Variants in CHD8 observed in about 807,000 individuals in gnomAD.
CHD8 encodes the protein chromodomain helicase DNA binding protein 8.
Under a neutral mutation model 279.2 loss-of-function variants are expected in CHD8, and 31 were observed. The ratio of observed to expected loss-of-function variants is 0.11; its 90% confidence interval spans 0.08 to 0.15. The LOEUF is 0.15. CHD8 is among the 10% of genes least tolerant of loss of function. CHD8 has a pLI of 1.00. For missense variants in CHD8, 2,146 were observed against 3,230.5 expected (o/e 0.66, Z 8.14); for synonymous variants, 1,081 against 1,139.6 (o/e 0.95, Z 1.04).
At chr14:21,401,360 T>C in intron 21 of CHD8, 43 bp downstream of exon 21, 1 of 1,156,812 alleles carries the variant, frequency 8.6e-7, no homozygotes, top group Non-Finnish European at 1.2e-6. Flanking sequence ...CCGAAAGTAG[T>C]GTGGTCTTCT....
At chr14:21,438,154 G>A (rs991557044) in intron 1 of CHD8, among the ~76,000 whole-genome samples, 5 of 152,212 alleles carry the variant, frequency 3.3e-5, no homozygotes, top group Middle Eastern at 6.8e-3. Flanking sequence ...TCCGCCTCGC[G>A]TGTTCAAGCG....
rs7152833 is a variant in CHD8, at chr14:21,393,052, C to A, written c.6468+54G>T. 0.92 allele frequency: 1,435,824 copies of A among 1,567,166 alleles called. 660,096 individuals are homozygous for A. The highest frequency in any genetic ancestry group is 0.94 in the Non-Finnish European group (1,076,232 of 1,151,032). ...ATATGTTCCTTTTTCCCCGGATATA[C>A]TGTTACACTGTATTTCTGGACTCTA... is the stretch of plus-strand genomic sequence containing the variant. On this transcript the variant is annotated intron_variant, in intron 33 of 37. Transcript: ENST00000646647.
At chr14:21,395,954 T>G in intron 27 of CHD8, 62 bp from the exon 28 acceptor site, 3 of 1,094,232 alleles carry the variant, frequency 2.7e-6, no homozygotes, top group Non-Finnish European at 4.2e-6. Flanking sequence ...TAAGGGAACC[T>G]AGGATGAAGA....
At chr14:21,433,828 T>G (rs1889661868) in intron 1 of CHD8, among the ~76,000 whole-genome samples, 1 of 152,166 alleles carries the variant, frequency 6.6e-6, no homozygotes, top group Non-Finnish European at 1.5e-5. Context: ...TGCCTCCAAA[T>G]TACTCAAAAT....
chr14:21,413,419 G>A (rs377183665), intron 9 of CHD8, among the ~76,000 whole-genome samples: 1 of 141,374 alleles, frequency 7.1e-6, no homozygotes, highest in East Asian at 2.1e-4. Flanking sequence ...TTTTGAGGTA[G>A]AGCCTTGCTC....
chr14:21,455,800 G>A (rs908657104), intron 1 of CHD8, among the ~76,000 whole-genome samples: 8 of 151,998 alleles, frequency 5.3e-5, no homozygotes, highest in African/African-American at 1.9e-4. Context: ...GTCCCTCGCG[G>A]CTCGGCCCGG....
rs1422490949 is a variant in CHD8 at position 21,400,580 on chromosome 14, C to T, written c.4403G>A (p.Gly1468Glu). ...TTCAGTCATACGTCGCTTGAAGCGTCCATGAGATAAAATATCTCGCCATCG... is the reference window on the plus strand; with the variant it reads ...TTCAGTCATACGTCGCTTGAAGCGTTCATGAGATAAAATATCTCGCCATCG... ...WGRWRDILSH[G>E]RFKRRMTERD... Residue 1468 changes from glycine (G) to glutamate (E), a missense_variant, in exon 23 of 38, where the codon GGA (glycine) becomes GAA (glutamate). Physicochemically the swap from Gly to Glu is moderately conservative, Grantham distance 98. Transcript: ENST00000646647. This position sits in a 1 kb window ranked among gnomAD's most constrained non-coding sequence, Gnocchi z 4.2. 2 of 1,585,920 alleles carry T rather than the reference C, an allele frequency of 1.3e-6. No individual in the cohort carries two copies. Among genetic ancestry groups the T allele is most frequent in the Non-Finnish European group, 1.7e-6 (2 of 1,173,112 alleles).
intron 27 of CHD8, 22 bp from the exon 28 acceptor site, chr14:21,395,914 A>G (rs780568850): frequency 6.6e-7 from 1 of 1,517,134 alleles, no homozygotes; most frequent in Admixed American, 1.7e-5. Flanking sequence ...GAGAGGCACA[A>G]GAAAATGTTA....
chr14:21,386,473 C>T (rs564095632), intron 37 of CHD8: 13 of 410,946 alleles, frequency 3.2e-5, no homozygotes, highest in Middle Eastern at 1.3e-3. Flanking sequence ...TTTAGTCAAC[C>T]ATTTCACAAA....
intron 1 of CHD8, chr14:21,454,864 T>C (rs1890347271): frequency 6.6e-6 from 1 of 152,246 alleles, no homozygotes; most frequent in Admixed American, 6.5e-5. Flanking sequence ...TGAAACCTAT[T>C]GGATGACCAA....
chr14:21,403,715 T>C lies in CHD8; in HGVS notation c.3308-52A>G, dbSNP rs2139470397. On this transcript the variant is annotated intron_variant, in intron 16 of 37. Transcript: ENST00000646647. This position sits in a 1 kb window ranked among gnomAD's most constrained non-coding sequence, Gnocchi z 4.3. Reference sequence around the variant, plus strand: ...TGAGATCCAGTGAACCATATTAAGGTTGTAGTCTATTTAACTAAGAAAGCA... The same window carrying C: ...TGAGATCCAGTGAACCATATTAAGGCTGTAGTCTATTTAACTAAGAAAGCA... 7.8e-6 allele frequency: 11 copies of C among 1,417,028 alleles called. No homozygotes were observed. Among genetic ancestry groups the C allele is most frequent in the South Asian group, 2.5e-5 (2 of 80,894 alleles). 87.8% of individuals were successfully genotyped at this position (1,417,028 alleles called of 1,614,324 possible).
chr14:21,421,660 G>C (rs1379453735), intron 5 of CHD8, among the ~76,000 whole-genome samples: 1 of 152,016 alleles, frequency 6.6e-6, no homozygotes. Context: ...CTGTGTCTAA[G>C]TGTCTGTTCC....
chr14:21,444,382 CTA>C (rs1334813043), intron 1 of CHD8, among the ~76,000 whole-genome samples: 1 of 152,166 alleles, frequency 6.6e-6, no homozygotes, highest in Non-Finnish European at 1.5e-5. Context: ...TGGCTAATAC[CTA>C]TGAGCTTGAG....
At position 21,428,052 on chromosome 14, in the gene CHD8, C is replaced by A. The variant is rs202169867; in HGVS notation, c.1418G>T (p.Arg473Leu). The A allele has an allele frequency of 6.2e-7, 1 of 1,614,056 alleles. No individual in the cohort carries two copies. The highest frequency in any genetic ancestry group is 1.7e-5 in the Admixed American group (1 of 60,030). ...AGGTATGTTCTGCTCACCGCGGGCA[C>A]GGGCTCTCGCAATGGCCTCTGCTAC... ...RIVAEAIARA[R>L]ARGEQNIPRV... Residue 473 changes from arginine (R) to leucine (L), a missense_variant, in exon 4 of 38, where the codon CGT becomes CTT. By Grantham distance (102) the Arg-to-Leu change is moderately radical. This residue lies in a region of CHD8 where 14 missense variants were observed against 42.4 expected (regional missense o/e 0.33). Coordinates refer to ENST00000646647, the MANE Select transcript of CHD8 (RefSeq NM_001170629.2).
In CHD8 at chr14:21,394,164, G is replaced by A; in HGVS notation, c.5631C>T (p.Pro1877=). Residue 1877 remains proline (P), a synonymous_variant, in exon 32 of 38, where the codon CCC becomes CCT. Coordinates refer to ENST00000646647, the MANE Select transcript of CHD8 (RefSeq NM_001170629.2). ...EPPDPNLFIE[P]ITEERASRTL... is the part of the protein sequence containing the mutation. ...TCCGTGAGGCTCTCTCCTCAGTGAT[G>A]GGCTCAATGAACAGGTTAGGGTCGG... The A allele has an allele frequency of 6.2e-7, 1 of 1,607,342 alleles. No individual in the cohort carries two copies. Among genetic ancestry groups the A allele is most frequent in the Non-Finnish European group, 8.5e-7 (1 of 1,175,434 alleles).
chr14:21,393,658 G>A lies in CHD8; in HGVS notation c.6137C>T (p.Ser2046Phe), dbSNP rs368169968. 2.5e-6 allele frequency: 4 copies of A among 1,613,992 alleles called. No individual in the cohort carries two copies. Among genetic ancestry groups the A allele is most frequent in the Non-Finnish European group, 2.5e-6 (3 of 1,179,896 alleles). The stretch of plus-strand genomic sequence containing the variant: ...AACCAGAGGGGTAGTATCAGAGGGG[G>A]ATACTCGCATCTCATAGTCTTGTGG... ...PTPQDYEMRV[S>F]PSDTTPLVSR... The change falls in exon 32 of 38, where the codon TCC becomes TTC. Residue 2046 changes from serine (S) to phenylalanine (F), a missense_variant. Coordinates refer to ENST00000646647, the MANE Select transcript of CHD8 (RefSeq NM_001170629.2).
rs1401500385 is a variant in CHD8 at position 21,408,453 on chromosome 14, C to T, written c.2589G>A (p.Leu863=). The T allele has an allele frequency of 1.2e-6, 2 of 1,613,838 alleles. No individual in the cohort carries two copies. Among genetic ancestry groups the T allele is most frequent in the Non-Finnish European group, 1.7e-6 (2 of 1,179,860 alleles). ...TAATTGTGGACAGTGGGGCAATGACCAAGAAGGGACCATGGATGCCCACAT... is the reference window on the plus strand; with the variant it reads ...TAATTGTGGACAGTGGGGCAATGACTAAGAAGGGACCATGGATGCCCACAT... The part of the protein sequence containing the change: ...VYNVGIHGPF[L]VIAPLSTITN... Residue 863 remains leucine (L), a synonymous_variant, in exon 13 of 38, where the codon TTG becomes TTA. Transcript: ENST00000646647. The surrounding 1 kb of genome is among the most constrained non-coding windows in gnomAD (Gnocchi z 4.3).
intron 21 of CHD8, 33 bp from the exon 22 acceptor site, chr14:21,401,104 T>G: frequency 6.7e-7 from 1 of 1,484,680 alleles, no homozygotes; most frequent in Non-Finnish European, 9.1e-7. Context: ...AGTAATTCTC[T>G]TCCTGATTTG....
intron 10 of CHD8, 135 bp downstream of exon 10, chr14:21,412,778 A>G (rs1390935683): frequency 4.6e-6 from 3 of 655,718 alleles, no homozygotes; most frequent in Non-Finnish European, 8.3e-6. Context: ...CTTTCAAAGG[A>G]TTCCACAGAA....
Sources: allele counts gnomAD v4.1 joint callset (sites outside exome capture counted in the v4.1 genomes callset), GRCh38; gene constraint gnomAD v4.1.1; regional missense constraint gnomAD v4.1.1; non-coding constraint Gnocchi (gnomAD v3.1); transcripts MANE v1.5; gene names NCBI Gene and HGNC (gene_info 2026-07-23, HGNC 2026-07-21).